The following LARGE1 variants were observed in gnomAD, a reference collection of about 807,000 sequenced individuals.
The protein encoded by LARGE1 is LARGE xylosyl- and glucuronyltransferase 1, also known as xylosyl- and glucuronyltransferase LARGE1.
LARGE1 carries 43 observed loss-of-function variants against 87.6 expected under a neutral mutation model. That is an observed-to-expected ratio of 0.49 (90% CI 0.38 to 0.63). LARGE1 has a LOEUF of 0.63. Ranked by LOEUF, LARGE1 falls within the 30% of genes least tolerant of loss-of-function variation. The probability of loss-of-function intolerance (pLI) is 0.00; values close to 1 mark genes in which losing one functional copy is unlikely to be tolerated. For synonymous variants in LARGE1, 434 were observed against 394.6 expected, an observed-to-expected ratio of 1.10 and a Z score of -1.18; for missense variants, 802 against 1,000.2, an observed-to-expected ratio of 0.80 and a Z score of 2.67.
chr22:33,721,985 C>T (rs1467726374), intron 2 of LARGE1, among the ~76,000 whole-genome samples: 2 of 152,204 alleles, frequency 1.3e-5, no homozygotes, highest in African/African-American at 2.4e-5. Flanking sequence ...AGCGCAGTGG[C>T]TCACGCCTGT....
chr22:33,696,107 G>C (rs932517254), intron 2 of LARGE1, among the ~76,000 whole-genome samples: 1 of 152,014 alleles, frequency 6.6e-6, no homozygotes, highest in Non-Finnish European at 1.5e-5. Flanking sequence ...TGATATTAAC[G>C]GAACACAAAT....
At position 33,517,591 on chromosome 22, in the gene LARGE1, G is replaced by A. The variant is rs951715959; in HGVS notation, c.787+47257C>T. ...CTAATTTTGTATTTTTAGTAGAGAT[G>A]GGGTTTCACCATATGGGCCAGGATG... On this transcript the variant is annotated intron_variant, in intron 6 of 14. Transcript: ENST00000397394. Among the ~76,000 whole-genome samples the A allele has an allele frequency of 2.1e-5, 3 of 143,762 alleles. No individual in the cohort carries two copies. The South Asian group carries it at 7.1e-4, about 34-fold the overall frequency. The allele number at this position is 143,762 out of a possible 152,430, so 94.3% of individuals were successfully genotyped here. A position where few individuals can be genotyped will look rare whatever the true frequency, so the allele number is the denominator to read the frequency against.
At chr22:33,420,141 C>T (rs1047651275) in intron 7 of LARGE1, among the ~76,000 whole-genome samples, 7 of 152,162 alleles carry the variant, frequency 4.6e-5, no homozygotes, top group East Asian at 1.9e-4. Flanking sequence ...AAATTTCCCA[C>T]GAGCAACCAT....
At chr22:33,678,740 A>G (rs977123331) in intron 2 of LARGE1, among the ~76,000 whole-genome samples, 2 of 152,226 alleles carry the variant, frequency 1.3e-5, no homozygotes, top group Non-Finnish European at 2.9e-5. Flanking sequence ...TCCACGAATG[A>G]GAGCAGAGCG....
At chr22:33,458,180 C>G (rs2068218573) in intron 6 of LARGE1, among the ~76,000 whole-genome samples, 2 of 150,380 alleles carry the variant, frequency 1.3e-5, no homozygotes, top group African/African-American at 4.9e-5. Context: ...GATCTCGGCT[C>G]ACTGCAAGCT....
intron 14 of LARGE1, among the ~76,000 whole-genome samples, chr22:33,274,948 C>T (rs1928915002): frequency 6.6e-6 from 1 of 152,154 alleles, no homozygotes; most frequent in African/African-American, 2.4e-5. Context: ...GAAAAGGTTT[C>T]TTGATAAATA....
At chr22:33,385,043 G>A (rs2065277002) in intron 7 of LARGE1, among the ~76,000 whole-genome samples, 1 of 148,528 alleles carries the variant, frequency 6.7e-6, no homozygotes, top group Non-Finnish European at 1.5e-5. Flanking sequence ...ATTTCAAGAG[G>A]GTCTTTTTGG....
intron 11 of LARGE1, among the ~76,000 whole-genome samples, chr22:33,185,575 A>G (rs903589532): frequency 2.4e-4 from 36 of 152,090 alleles, no homozygotes; most frequent in African/African-American, 8.7e-4. Flanking sequence ...ATGATATGTC[A>G]ATGTAGGTTT....
chr22:33,452,633 T>C (rs1309323715), intron 6 of LARGE1, among the ~76,000 whole-genome samples: 1 of 152,032 alleles, frequency 6.6e-6, no homozygotes, highest in African/African-American at 2.4e-5. Flanking sequence ...AATGAATCGG[T>C]GAGGAAGGCC....
At chr22:33,655,479 G>T (rs1328832460) in intron 2 of LARGE1, among the ~76,000 whole-genome samples, 2 of 152,148 alleles carry the variant, frequency 1.3e-5, no homozygotes, top group African/African-American at 4.8e-5. Context: ...ACTCAGACTA[G>T]AACTACACAT....
At chr22:33,235,680 CAG>C (rs1258345142) in intron 11 of LARGE1, among the ~76,000 whole-genome samples, 1 of 152,150 alleles carries the variant, frequency 6.6e-6, no homozygotes, top group Admixed American at 6.5e-5. Context: ...CTTCTCATAG[CAG>C]GATGGCTTGG....
At chr22:33,886,354 C>A (rs1017812608) in intron 1 of LARGE1, among the ~76,000 whole-genome samples, 1 of 152,154 alleles carries the variant, frequency 6.6e-6, no homozygotes, top group African/African-American at 2.4e-5. Context: ...CTAGTTTGGG[C>A]TTAAACTGTT....
rs1389014371 is a variant in LARGE1, at chr22:33,203,093, CTCTCTCTCTG to C, written c.1731-36271_1731-36262del. 2.9e-4 allele frequency among the ~76,000 whole-genome samples: 40 copies of C among 137,364 alleles called. 1 individual carries two copies. The highest frequency in any genetic ancestry group is 9.7e-4 in the African/African-American group (35 of 35,968). The allele number at this position is 137,364 out of a possible 152,430, so 90.1% of individuals were successfully genotyped here. ...TCTCTCTCTCTCTCTCTCTCTCTCTCTCTCTCTCTGTGTGTGTGTGTGTGTGTGTGTGCAA... is the reference window on the plus strand; with the variant it reads ...TCTCTCTCTCTCTCTCTCTCTCTCTCTGTGTGTGTGTGTGTGTGTGTGCAA... On this transcript the variant is annotated intron_variant, in intron 11 of 11. Transcript: ENST00000608642.
chr22:33,496,223 T>C (rs1056210323), intron 6 of LARGE1, among the ~76,000 whole-genome samples: 18 of 152,120 alleles, frequency 1.2e-4, no homozygotes, highest in African/African-American at 4.1e-4. Context: ...GCTGATTAGA[T>C]TGTCCCCACC....
chr22:33,605,431 G>C (rs1222792852), intron 4 of LARGE1, among the ~76,000 whole-genome samples: 1 of 152,168 alleles, frequency 6.6e-6, no homozygotes, highest in Non-Finnish European at 1.5e-5. Context: ...GGTCTGAAAT[G>C]TATGAGTGGG....
chr22:33,856,279 G>A (rs1179604277), intron 1 of LARGE1, among the ~76,000 whole-genome samples: 1 of 152,186 alleles, frequency 6.6e-6, no homozygotes, highest in Non-Finnish European at 1.5e-5. Flanking sequence ...ACAAACACAT[G>A]CCTCTCCATG....
At chr22:33,374,465 T>C (rs934902233) in intron 9 of LARGE1, among the ~76,000 whole-genome samples, 1 of 152,232 alleles carries the variant, frequency 6.6e-6, no homozygotes, top group Non-Finnish European at 1.5e-5. Flanking sequence ...CTATCGTCTT[T>C]TGATAATCAC....
intron 9 of LARGE1, among the ~76,000 whole-genome samples, chr22:33,374,887 T>G (rs750960548): frequency 3.9e-5 from 6 of 152,228 alleles, no homozygotes; most frequent in African/African-American, 7.2e-5. Context: ...CATCAGATTT[T>G]TAGCCATGGC....
intron 12 of LARGE1, among the ~76,000 whole-genome samples, chr22:33,298,156 A>G (rs948053172): frequency 7.2e-5 from 11 of 152,066 alleles, no homozygotes; most frequent in African/African-American, 2.2e-4. Context: ...TTCAGTGTGC[A>G]CCCACATTGG....
Sources: allele counts gnomAD v4.1 joint callset (sites outside exome capture counted in the v4.1 genomes callset), GRCh38; gene constraint gnomAD v4.1.1; transcripts MANE v1.5; gene names NCBI Gene and HGNC (gene_info 2026-07-23, HGNC 2026-07-21).